Variants in EBF3 observed in about 807,000 individuals in gnomAD.
EBF3 encodes the protein transcription factor COE3.
A neutral mutation model predicts 77.1 loss-of-function variants in EBF3; 18 were observed. The observed-to-expected ratio is 0.23, with a 90% CI of 0.16 to 0.35. The LOEUF is 0.35. EBF3 is among the 10% of genes least tolerant of loss of function. The pLI, the probability that EBF3 is intolerant of heterozygous loss-of-function variation, is 1.00. For synonymous variants in EBF3, 350 were observed against 343.5 expected, an observed-to-expected ratio of 1.02 and a Z score of -0.21; for missense variants, 558 against 860.0, an observed-to-expected ratio of 0.65 and a Z score of 4.39.
At chr10:129,910,849 C>T (rs948025949) in intron 6 of EBF3, among the ~76,000 whole-genome samples, 2 of 152,198 alleles carry the variant, frequency 1.3e-5, no homozygotes, top group African/African-American at 4.8e-5. Flanking sequence ...TGCATGGTCA[C>T]GTGGTCCAAG....
rs967513747 is a variant in EBF3, at chr10:129,837,517, G to A, written c.*426C>T. Reference sequence around the variant, plus strand: ...ACAACCATTGTGAATCTAAGTATGAGTACAGAAAAATGTTTGGAGGCATTT... The same window carrying A: ...ACAACCATTGTGAATCTAAGTATGAATACAGAAAAATGTTTGGAGGCATTT... On this transcript the variant is annotated 3_prime_UTR_variant, in exon 17 of 17. Coordinates refer to ENST00000440978, the MANE Select transcript of EBF3 (RefSeq NM_001375380.1). 2 of 191,702 alleles carry A rather than the reference G, an allele frequency of 1.0e-5. No individual in the cohort carries two copies. The highest frequency in any genetic ancestry group is 2.2e-5 in the Non-Finnish European group (2 of 92,740). 11.9% of individuals were successfully genotyped at this position (191,702 alleles called of 1,614,324 possible).
intron 6 of EBF3, among the ~76,000 whole-genome samples, chr10:129,904,334 T>A (rs1329245904): frequency 6.6e-6 from 1 of 152,238 alleles, no homozygotes; most frequent in Non-Finnish European, 1.5e-5. Context: ...TCCTGTATTA[T>A]AATCATTTGT....
At chr10:129,852,305 C>CGTGTACTGG (rs1297125841) in intron 10 of EBF3, among the ~76,000 whole-genome samples, 2 of 152,170 alleles carry the variant, frequency 1.3e-5, no homozygotes, top group Non-Finnish European at 2.9e-5. Flanking sequence ...AAGTCATGCC[C>CGTGTACTGG]GTGTACTGGG....
At chr10:129,889,577 T>A (rs1364190773) in intron 6 of EBF3, among the ~76,000 whole-genome samples, 2 of 152,116 alleles carry the variant, frequency 1.3e-5, no homozygotes, top group African/African-American at 4.8e-5. Flanking sequence ...CAGCAACACA[T>A]TCCCAGTGAG....
At chr10:129,906,180 T>C (rs1283627298) in intron 6 of EBF3, among the ~76,000 whole-genome samples, 1 of 152,216 alleles carries the variant, frequency 6.6e-6, no homozygotes, top group Non-Finnish European at 1.5e-5. Context: ...CAAAGCTTAA[T>C]GCAAGACAAG....
intron 6 of EBF3, among the ~76,000 whole-genome samples, chr10:129,903,959 G>A (rs959367068): frequency 7.2e-5 from 11 of 152,108 alleles, no homozygotes; most frequent in Non-Finnish European, 1.5e-4. Context: ...CCCTATACAC[G>A]ATTCCAAAGG....
At chr10:129,930,709 CT>C (rs1382417038) in intron 6 of EBF3, among the ~76,000 whole-genome samples, 1 of 144,522 alleles carries the variant, frequency 6.9e-6, no homozygotes, top group Non-Finnish European at 1.5e-5. Flanking sequence ...ACAAATCCCC[CT>C]CTCATATATC....
At position 129,963,815 on chromosome 10, in the gene EBF3, C is replaced by T. The variant is rs199698816; in HGVS notation, c.-47G>A. ...CAGCTCCCGGCCGAAAGCGTTTCCT[C>T]GAGCAGCGGCGCTCGGGGCTTGGCG... On this transcript the variant is annotated 5_prime_UTR_variant, in exon 1 of 17. Coordinates refer to ENST00000440978, the MANE Select transcript of EBF3 (RefSeq NM_001375380.1). This position sits in a 1 kb window ranked among gnomAD's most constrained non-coding sequence, Gnocchi z 7.1. 4.1e-6 allele frequency: 6 copies of T among 1,476,906 alleles called. No homozygotes were observed. Among genetic ancestry groups the T allele is most frequent in the Non-Finnish European group, 5.4e-6 (6 of 1,101,570 alleles). The allele number at this position is 1,476,906 out of a possible 1,614,324, so 91.5% of individuals were successfully genotyped here.
At chr10:129,958,758 G>T (rs985794444) in intron 5 of EBF3, among the ~76,000 whole-genome samples, 176 bp downstream of exon 5, 2 of 152,262 alleles carry the variant, frequency 1.3e-5, no homozygotes, top group South Asian at 2.1e-4. Context: ...GTCAGCGCTG[G>T]GGGGAAGGAG....
intron 6 of EBF3, among the ~76,000 whole-genome samples, chr10:129,916,453 C>T (rs879426106): frequency 3.9e-5 from 6 of 152,348 alleles, no homozygotes; most frequent in Non-Finnish European, 5.9e-5. Flanking sequence ...GGATTCAGGA[C>T]GGGTGCAGAA....
In EBF3 at chr10:129,842,492, G is replaced by C. The variant is rs146708166; in HGVS notation, c.1195-199C>G. ...AAGTGTGCAATATCTGGCTGGGCAC[G>C]GTGGCTCACTCCTGTAATCCCAGCA... On this transcript the variant is annotated intron_variant, in intron 12 of 16. Transcript: ENST00000440978. The surrounding 1 kb of genome is among the most constrained non-coding windows in gnomAD (Gnocchi z 4.4). Among the ~76,000 whole-genome samples the C allele has an allele frequency of 0.011, 1,612 of 152,280 alleles. 29 individuals carry two copies. The highest frequency in any genetic ancestry group is 0.037 in the African/African-American group (1,523 of 41,566).
Position 129,944,331 on chromosome 10 carries a change from AG to A in EBF3, c.554+12926del, listed in dbSNP as rs1477055972. On this transcript the variant is annotated intron_variant, in intron 6 of 16. Transcript: ENST00000440978. This position sits in a 1 kb window ranked among gnomAD's most constrained non-coding sequence, Gnocchi z 5.1. ...ATATTGGCTTGGTGGCTGGACATGC[AG>A]GGAACATTTTTATTGTTAATCAATG... Among the ~76,000 whole-genome samples, 1 of 152,188 alleles carries A rather than the reference AG, an allele frequency of 6.6e-6. No individual in the cohort carries two copies. The highest frequency in any genetic ancestry group is 1.5e-5 in the Non-Finnish European group (1 of 68,034).
In EBF3 at chr10:129,963,328, C is replaced by G; in HGVS notation, c.291+39G>C. ...CACCGGCACCGCCTGCCTCCCGCTT[C>G]TAGAAAGAGAGAGGGTGTGATCGTG... is the stretch of plus-strand genomic sequence containing the variant. On this transcript the variant is annotated intron_variant, in intron 2 of 16. Coordinates refer to ENST00000440978, the MANE Select transcript of EBF3 (RefSeq NM_001375380.1). This position sits in a 1 kb window ranked among gnomAD's most constrained non-coding sequence, Gnocchi z 7.1. 1.3e-6 allele frequency: 2 copies of G among 1,555,570 alleles called. No individual in the cohort carries two copies. Among genetic ancestry groups the G allele is most frequent in the Non-Finnish European group, 1.7e-6 (2 of 1,153,376 alleles).
intron 6 of EBF3, among the ~76,000 whole-genome samples, chr10:129,942,172 G>A (rs1857801441): frequency 6.6e-6 from 1 of 152,188 alleles, no homozygotes; most frequent in Admixed American, 6.5e-5. Context: ...ATTTACAAGA[G>A]CTTTTAGGAA....
intron 11 of EBF3, among the ~76,000 whole-genome samples, chr10:129,845,135 T>C (rs1387921781): frequency 6.6e-6 from 1 of 152,200 alleles, no homozygotes; most frequent in East Asian, 1.9e-4. Context: ...AACCCGACTT[T>C]CTGAGCTGCT....
intron 6 of EBF3, among the ~76,000 whole-genome samples, chr10:129,887,067 G>GGGGGGGGGGAAA (rs1853656212): frequency 1.1e-5 from 1 of 92,312 alleles, no homozygotes. Flanking sequence ...GGGGGGGGGG[G>GGGGGGGGGGAAA]AGGTGAATAG....
chr10:129,854,180 T>C (rs1331340227), intron 10 of EBF3, among the ~76,000 whole-genome samples: 2 of 152,124 alleles, frequency 1.3e-5, no homozygotes, highest in East Asian at 3.9e-4. Context: ...GATGCTAAGT[T>C]CTTCACTTTA....
At chr10:129,904,625 CAAATGGAT>C (rs1194666060) in intron 6 of EBF3, among the ~76,000 whole-genome samples, 3 of 128,800 alleles carry the variant, frequency 2.3e-5, no homozygotes, top group Admixed American at 2.2e-4. Context: ...GCTGGATGGA[CAAATGGAT>C]GGATGGATGG....
At chr10:129,926,497 T>G (rs1856679861) in intron 6 of EBF3, among the ~76,000 whole-genome samples, 1 of 152,024 alleles carries the variant, frequency 6.6e-6, no homozygotes, top group Admixed American at 6.5e-5. Context: ...CCGCGGTGCA[T>G]GGACCACTCA....
Sources: gnomAD v4.1 joint callset for allele counts (sites outside exome capture counted in the v4.1 genomes callset) on GRCh38, gnomAD v4.1.1 for gene constraint, Gnocchi (gnomAD v3.1) non-coding constraint, MANE v1.5 for transcripts, NCBI Gene and HGNC (gene_info 2026-07-23, HGNC 2026-07-21) for gene names.